Variants in NIM1K observed in about 807,000 individuals in gnomAD.
NIM1K encodes serine/threonine-protein kinase NIM1.
NIM1K carries 35 observed loss-of-function variants against 37.1 expected under a neutral mutation model. The observed-to-expected ratio is 0.94, with a 90% CI of 0.72 to 1.25. The LOEUF (loss-of-function observed/expected upper bound fraction) is 1.25. Ranked by LOEUF, NIM1K falls within the 50% of genes most tolerant of loss-of-function variation. The pLI, the probability that NIM1K is intolerant of heterozygous loss-of-function variation, is 0.00. For synonymous variants in NIM1K, 234 were observed against 206.6 expected (o/e 1.13, Z -1.14); for missense variants, 564 against 548.0 (o/e 1.03, Z -0.29).
At chr5:43,265,891 C>T (rs955470001) in intron 2 of NIM1K, among the ~76,000 whole-genome samples, 6 of 152,224 alleles carry the variant, frequency 3.9e-5, no homozygotes, top group Non-Finnish European at 7.3e-5. Flanking sequence ...TGGAGGTCCA[C>T]TTCAGACCTG....
chr5:43,266,339 C>T (rs1753158876), intron 2 of NIM1K, among the ~76,000 whole-genome samples: 1 of 152,228 alleles, frequency 6.6e-6, no homozygotes, highest in Non-Finnish European at 1.5e-5. Flanking sequence ...CCTCCACCAG[C>T]CTCATTGCCA....
intron 2 of NIM1K, among the ~76,000 whole-genome samples, chr5:43,268,765 T>C (rs529297456): frequency 6.6e-6 from 1 of 151,388 alleles, no homozygotes; most frequent in Non-Finnish European, 1.5e-5. Flanking sequence ...GACTGAGTTT[T>C]GGGAAAGATT....
intron 2 of NIM1K, among the ~76,000 whole-genome samples, chr5:43,263,549 TC>T (rs942883310): frequency 1.3e-4 from 19 of 150,448 alleles, no homozygotes; most frequent in African/African-American, 4.0e-4. Context: ...GTTGATCTTT[TC>T]AAAAAAAAAA....
In NIM1K at chr5:43,280,582, A is replaced by C. The variant is rs192702331; in HGVS notation, c.1164A>C (p.Arg388Ser). 1.2e-6 allele frequency: 2 copies of C among 1,614,184 alleles called. No homozygotes were observed. The highest frequency in any genetic ancestry group is 1.7e-5 in the Admixed American group (1 of 60,030). ...GCAGCTCAATCACAGGGGTCTATAG[A>C]ATTATTTTACATAGAGTCCAAAGGA... Reference protein sequence around the residue: ...DARSSITGVYRIILHRVQRKK... With the variant: ...DARSSITGVYSIILHRVQRKK... Residue 388 changes from arginine (R) to serine (S), a missense_variant, in exon 4 of 4, where the codon AGA (arginine) becomes AGC (serine). Coordinates refer to ENST00000326035, the MANE Select transcript of NIM1K (RefSeq NM_153361.4).
intron 1 of NIM1K, among the ~76,000 whole-genome samples, chr5:43,242,023 A>G (rs2112258056): frequency 6.6e-6 from 1 of 152,158 alleles, no homozygotes; most frequent in African/African-American, 2.4e-5. Flanking sequence ...AAACCACAGC[A>G]ACATTTGTAA....
At chr5:43,219,622 G>T (rs1415630340) in intron 1 of NIM1K, among the ~76,000 whole-genome samples, 1 of 152,160 alleles carries the variant, frequency 6.6e-6, no homozygotes, top group Non-Finnish European at 1.5e-5. Context: ...TTATTGAGTT[G>T]TGTTACTTAC....
chr5:43,261,727 G>C (rs1351668161), intron 2 of NIM1K, among the ~76,000 whole-genome samples: 2 of 152,070 alleles, frequency 1.3e-5, no homozygotes, highest in Non-Finnish European at 2.9e-5. Context: ...TTCTTCTAGG[G>C]TTTTTATAGT....
chr5:43,255,147 A>G (rs1752921444), intron 2 of NIM1K, among the ~76,000 whole-genome samples: 1 of 152,224 alleles, frequency 6.6e-6, no homozygotes, highest in African/African-American at 2.4e-5. Context: ...ATGAGAAATC[A>G]TGATTATGAA....
chr5:43,254,044 T>A (rs1055854628), intron 2 of NIM1K, among the ~76,000 whole-genome samples: 1 of 152,078 alleles, frequency 6.6e-6, no homozygotes, highest in Non-Finnish European at 1.5e-5. Context: ...AGTTGGAAAG[T>A]AAGGAGAGTC....
chr5:43,277,392 G>A, intron 3 of NIM1K, 67 bp downstream of exon 3: 2 of 1,525,512 alleles, frequency 1.3e-6, no homozygotes, highest in South Asian at 1.2e-5. Context: ...AGGGCTTTAG[G>A]TTACTAACCC....
In NIM1K at chr5:43,198,207, C is replaced by CTTTCTT. The variant is rs1281355308; in HGVS notation, c.-695+5797_-695+5798insTTCTTT. Among the ~76,000 whole-genome samples the CTTTCTT allele has an allele frequency of 4.1e-3, 200 of 48,546 alleles. 2 individuals are homozygous for CTTTCTT. The highest frequency in any genetic ancestry group is 0.016 in the East Asian group (23 of 1,404). The allele number at this position is 48,546 out of a possible 152,430, so 31.8% of individuals were successfully genotyped here. ...TCTTTCTTTCTTTCTTTCTTTCTTT[C>CTTTCTT]TCTTTCTTTCTTTCTTTCTTTCTTT... On this transcript the variant is annotated intron_variant, in intron 1 of 3. Coordinates refer to ENST00000326035, the MANE Select transcript of NIM1K (RefSeq NM_153361.4).
At chr5:43,213,465 G>A (rs1185677714) in intron 1 of NIM1K, among the ~76,000 whole-genome samples, 3 of 151,380 alleles carry the variant, frequency 2.0e-5, no homozygotes, top group Non-Finnish European at 4.4e-5. Context: ...AAGTAGCTGG[G>A]ATTACCGGCA....
intron 1 of NIM1K, chr5:43,207,630 A>G: frequency 1.6e-6 from 1 of 625,320 alleles, no homozygotes; most frequent in Non-Finnish European, 3.1e-6. Context: ...TACTTTACAC[A>G]GGGGAACTGT....
chr5:43,257,362 CTTTTTTTT>C (rs36108441), intron 2 of NIM1K, among the ~76,000 whole-genome samples: 5 of 58,786 alleles, frequency 8.5e-5, no homozygotes, highest in Non-Finnish European at 9.7e-5. Context: ...TAAAGTGACT[CTTTTTTTT>C]TTTTTTTTTT....
chr5:43,260,232 T>C (rs1753007134), intron 2 of NIM1K, among the ~76,000 whole-genome samples: 1 of 152,224 alleles, frequency 6.6e-6, no homozygotes, highest in African/African-American at 2.4e-5. Context: ...TTCTCTTGCC[T>C]GATTGCTCTG....
intron 1 of NIM1K, chr5:43,233,130 CT>C: frequency 7.5e-7 from 1 of 1,330,686 alleles, no homozygotes; most frequent in African/African-American, 1.4e-5. Context: ...CATTGCCAAC[CT>C]GGACACCAGC....
At chr5:43,243,137 A>G (rs1752729326) in intron 1 of NIM1K, among the ~76,000 whole-genome samples, 3 of 152,214 alleles carry the variant, frequency 2.0e-5, no homozygotes, top group South Asian at 4.1e-4. Flanking sequence ...GCCCAAGTAC[A>G]TTAGTGACAA....
intron 1 of NIM1K, among the ~76,000 whole-genome samples, chr5:43,227,942 G>C (rs571604331): frequency 6.6e-6 from 1 of 152,250 alleles, no homozygotes; most frequent in East Asian, 1.9e-4. Flanking sequence ...TGAACCTAGA[G>C]AGTGGAAAAG....
intron 1 of NIM1K, among the ~76,000 whole-genome samples, chr5:43,199,503 C>T (rs958837077): frequency 2.6e-5 from 4 of 151,872 alleles, no homozygotes; most frequent in Non-Finnish European, 5.9e-5. Context: ...CATCCTTTTG[C>T]CCTCATATTT....
Sources: gnomAD v4.1 joint callset for allele counts (sites outside exome capture counted in the v4.1 genomes callset) on GRCh38, gnomAD v4.1.1 for gene constraint, MANE v1.5 for transcripts, NCBI Gene and HGNC (gene_info 2026-07-23, HGNC 2026-07-21) for gene names.